The following CDH4 variants were observed in gnomAD, a reference collection of about 807,000 sequenced individuals.
CDH4 encodes the protein cadherin 4.
CDH4 carries 33 observed loss-of-function variants against 86.0 expected under a neutral mutation model. The observed-to-expected ratio is 0.38, with a 90% CI of 0.29 to 0.51. The LOEUF (loss-of-function observed/expected upper bound fraction) is 0.51. CDH4 is among the 20% of genes least tolerant of loss of function. The probability of loss-of-function intolerance (pLI) is 0.86; values close to 1 mark genes in which losing one functional copy is unlikely to be tolerated. For missense variants in CDH4, 1,114 were observed against 1,307.4 expected (o/e 0.85, Z 2.28); for synonymous variants, 555 against 549.4 (o/e 1.01, Z -0.14).
At chr20:61,367,867 CT>C (rs372521090) in intron 2 of CDH4, among the ~76,000 whole-genome samples, 23,959 of 118,574 alleles carry the variant, frequency 0.2, 2,352 homozygotes, top group East Asian at 0.34. Context: ...TCTCCAGGAT[CT>C]TTTTTTTTTT....
At chr20:61,357,875 T>A (rs1260794615) in intron 2 of CDH4, among the ~76,000 whole-genome samples, 1 of 152,048 alleles carries the variant, frequency 6.6e-6, no homozygotes, top group East Asian at 1.9e-4. Context: ...GGAACAACGA[T>A]TCTTTGCTTT....
chr20:61,776,603 C>T (rs991047045), intron 4 of CDH4, among the ~76,000 whole-genome samples: 2 of 152,210 alleles, frequency 1.3e-5, no homozygotes, highest in Admixed American at 1.3e-4. Context: ...GCAGAACAGG[C>T]CGTGAGCGGA....
At chr20:61,445,462 G>A (rs1568847968) in intron 2 of CDH4, among the ~76,000 whole-genome samples, 2 of 152,328 alleles carry the variant, frequency 1.3e-5, no homozygotes, top group Non-Finnish European at 2.9e-5. Flanking sequence ...GGCAGGCGGG[G>A]CATGGGAGTG....
chr20:61,338,476 T>G (rs926265626), intron 2 of CDH4, among the ~76,000 whole-genome samples: 2 of 152,308 alleles, frequency 1.3e-5, no homozygotes, highest in South Asian at 4.1e-4. Flanking sequence ...TCCAGAAGAA[T>G]GGGAATCGGC....
At chr20:61,357,616 G>A (rs2084758390) in intron 2 of CDH4, among the ~76,000 whole-genome samples, 1 of 152,216 alleles carries the variant, frequency 6.6e-6, no homozygotes, top group African/African-American at 2.4e-5. Context: ...GGCAGCCCAT[G>A]ACCTGCTGTC....
intron 6 of CDH4, among the ~76,000 whole-genome samples, chr20:61,870,865 G>C (rs1249601527): frequency 6.6e-6 from 1 of 152,216 alleles, no homozygotes; most frequent in Non-Finnish European, 1.5e-5. Flanking sequence ...GCCCTGGTCA[G>C]ACCCACCATC....
intron 2 of CDH4, among the ~76,000 whole-genome samples, chr20:61,583,288 C>T (rs1260523582): frequency 3.4e-5 from 2 of 58,274 alleles, no homozygotes; most frequent in African/African-American, 7.8e-5. Flanking sequence ...ACAGACGGTT[C>T]TGCGGGGGGA....
At chr20:61,837,263 G>A (rs1378536195) in intron 4 of CDH4, among the ~76,000 whole-genome samples, 1 of 152,212 alleles carries the variant, frequency 6.6e-6, no homozygotes, top group Non-Finnish European at 1.5e-5. Flanking sequence ...GGGAGTGAGA[G>A]AAGGGGCCAG....
chr20:61,565,280 GA>G (rs2086276727), intron 2 of CDH4, among the ~76,000 whole-genome samples: 1 of 120,314 alleles, frequency 8.3e-6, no homozygotes, highest in Non-Finnish European at 1.8e-5. Flanking sequence ...TCCTCTTGGT[GA>G]TGGGGTGATG....
chr20:61,300,526 C>G (rs1016261465), intron 2 of CDH4, among the ~76,000 whole-genome samples: 5 of 152,160 alleles, frequency 3.3e-5, no homozygotes, highest in African/African-American at 1.2e-4. Flanking sequence ...CCTTGCTCAT[C>G]CCCCGTCTGC....
chr20:61,437,776 C>T (rs558571838), intron 2 of CDH4, among the ~76,000 whole-genome samples: 3 of 152,244 alleles, frequency 2.0e-5, no homozygotes, highest in Admixed American at 6.5e-5. Context: ...CTGATGCAGA[C>T]GGTCCCGTTT....
chr20:61,345,926 T>C (rs1392289285), intron 2 of CDH4, among the ~76,000 whole-genome samples: 2 of 152,228 alleles, frequency 1.3e-5, no homozygotes, highest in East Asian at 3.9e-4. Flanking sequence ...CAATGTTTGC[T>C]GAGCACCTGC....
chr20:61,644,207 G>A (rs2087038272), intron 2 of CDH4, among the ~76,000 whole-genome samples: 1 of 152,234 alleles, frequency 6.6e-6, no homozygotes, highest in South Asian at 2.1e-4. Context: ...AGGCTTGGCA[G>A]GCCAAGGTCA....
intron 7 of CDH4, among the ~76,000 whole-genome samples, chr20:61,891,638 A>G (rs1029974788): frequency 6.6e-6 from 1 of 152,208 alleles, no homozygotes; most frequent in South Asian, 2.1e-4. Flanking sequence ...TGGAGGGCCC[A>G]GGAGCCAGCG....
In CDH4 at chr20:61,444,462, T is replaced by C. The variant is rs1017683868; in HGVS notation, c.169+189525T>C. Among the ~76,000 whole-genome samples, 10 of 152,140 alleles carry C rather than the reference T, an allele frequency of 6.6e-5. 1 individual carries two copies. The South Asian group carries it at 2.1e-3, about 32-fold the overall frequency. On this transcript the variant is annotated intron_variant, in intron 2 of 15. Transcript: ENST00000614565. Reference sequence around the variant, plus strand: ...GGGTTTCTTTGTGTGTGTATTTGTGTGTATCTGCATGAGTGTTTCTCTGTG... The same window carrying C: ...GGGTTTCTTTGTGTGTGTATTTGTGCGTATCTGCATGAGTGTTTCTCTGTG...
chr20:61,888,605 G>C (rs1984651617), intron 7 of CDH4, among the ~76,000 whole-genome samples: 1 of 152,270 alleles, frequency 6.6e-6, no homozygotes, highest in African/African-American at 2.4e-5. Flanking sequence ...TTGGTCCACA[G>C]TTAGAAGGCA....
At chr20:61,260,426 T>C (rs1374841404) in intron 2 of CDH4, among the ~76,000 whole-genome samples, 1 of 152,212 alleles carries the variant, frequency 6.6e-6, no homozygotes, top group African/African-American at 2.4e-5. Flanking sequence ...TGTAAACTCT[T>C]TGCTGGATCT....
chr20:61,262,238 C>T (rs558362191), intron 2 of CDH4, among the ~76,000 whole-genome samples: 6 of 152,274 alleles, frequency 3.9e-5, no homozygotes, highest in East Asian at 1.9e-4. Flanking sequence ...GAGCTGATGC[C>T]GTGAGAGCTG....
At chr20:61,876,039 G>A (rs547652737) in intron 7 of CDH4, among the ~76,000 whole-genome samples, 79 of 152,366 alleles carry the variant, frequency 5.2e-4, no homozygotes, top group Non-Finnish European at 9.4e-4. Context: ...TCTGACTGGA[G>A]CGTGTGCGTG....
Sources: allele counts gnomAD v4.1 joint callset (sites outside exome capture counted in the v4.1 genomes callset), GRCh38; gene constraint gnomAD v4.1.1; transcripts MANE v1.5; gene names NCBI Gene and HGNC (gene_info 2026-07-23, HGNC 2026-07-21).